HEMK2: variants seen among roughly 807,000 people sequenced by gnomAD.
HEMK2 encodes methyltransferase HEMK2.
the HEMK2 span, among the ~76,000 whole-genome samples, chr21:28,659,606 T>C: frequency 6.6e-6 from 1 of 152,036 alleles, no homozygotes; most frequent in African/African-American, 2.4e-5. Context: ...TGCAATATAA[T>C]GAAAAATTAA....
At chr21:28,587,499 T>C in the HEMK2 span, among the ~76,000 whole-genome samples, 1 of 152,142 alleles carries the variant, frequency 6.6e-6, no homozygotes, top group Non-Finnish European at 1.5e-5. Context: ...CACTCAGTAG[T>C]AGGCAACCTA....
the HEMK2 span, among the ~76,000 whole-genome samples, chr21:28,620,655 CTTTT>C: frequency 1.5e-5 from 1 of 65,538 alleles, no homozygotes; most frequent in Non-Finnish European, 2.9e-5. Flanking sequence ...ATTCTTCTCT[CTTTT>C]CTTTTTTTTT....
At chr21:28,808,411 C>CAAAA in the HEMK2 span, among the ~76,000 whole-genome samples, 30 of 126,922 alleles carry the variant, frequency 2.4e-4, no homozygotes, top group African/African-American at 8.6e-4. Context: ...TCTACCCTTC[C>CAAAA]AAAAAAAAAA....
the HEMK2 span, among the ~76,000 whole-genome samples, chr21:28,805,741 G>C: frequency 6.6e-6 from 1 of 151,808 alleles, no homozygotes; most frequent in Admixed American, 6.6e-5. Flanking sequence ...TTGAATCCCT[G>C]ATTCTTTCGG....
chr21:28,836,637 G>T, the HEMK2 span, among the ~76,000 whole-genome samples: 15 of 152,250 alleles, frequency 9.9e-5, no homozygotes, highest in African/African-American at 3.6e-4. Context: ...AGAGCACAAT[G>T]AATGCAATGG....
At chr21:28,853,926 GT>G in the HEMK2 span, among the ~76,000 whole-genome samples, 1 of 152,092 alleles carries the variant, frequency 6.6e-6, no homozygotes, top group Non-Finnish European at 1.5e-5. Flanking sequence ...ACCTGGTGAG[GT>G]TGTACATGCA....
the HEMK2 span, among the ~76,000 whole-genome samples, chr21:28,831,720 AAGGAAG>A: frequency 5.8e-5 from 8 of 137,640 alleles, no homozygotes; most frequent in Admixed American, 2.2e-4. Context: ...GGAAGGAAGG[AAGGAAG>A]GAAGGAAGGA....
the HEMK2 span, among the ~76,000 whole-genome samples, chr21:28,695,702 C>G: frequency 6.6e-6 from 1 of 151,910 alleles, no homozygotes; most frequent in Non-Finnish European, 1.5e-5. Context: ...CAAACCATAT[C>G]ATTCTGCCCC....
chr21:28,676,230 A>C, the HEMK2 span, among the ~76,000 whole-genome samples: 1 of 152,164 alleles, frequency 6.6e-6, no homozygotes, highest in Non-Finnish European at 1.5e-5. Flanking sequence ...AGGTGTCAAC[A>C]AGGTTGATTT....
the HEMK2 span, among the ~76,000 whole-genome samples, chr21:28,642,641 G>A: frequency 5.3e-5 from 8 of 152,194 alleles, no homozygotes; most frequent in Non-Finnish European, 7.4e-5. Context: ...TGATGAATGC[G>A]GAAGACTTTA....
the HEMK2 span, among the ~76,000 whole-genome samples, chr21:28,681,272 A>G: frequency 6.6e-6 from 1 of 152,282 alleles, no homozygotes; most frequent in East Asian, 1.9e-4. Flanking sequence ...CAAACAGAGA[A>G]CCAAATCATG....
At chr21:28,600,064 G>A in the HEMK2 span, among the ~76,000 whole-genome samples, 2 of 152,168 alleles carry the variant, frequency 1.3e-5, no homozygotes, top group African/African-American at 4.8e-5. Context: ...ACTTTTCCAG[G>A]TGCACAGTGC....
chr21:28,808,860 A>G, the HEMK2 span, among the ~76,000 whole-genome samples: 1 of 152,184 alleles, frequency 6.6e-6, no homozygotes, highest in East Asian at 1.9e-4. Flanking sequence ...ATTTAACAAA[A>G]TGCATTTCAA....
the HEMK2 span, chr21:28,743,434 A>C: frequency 6.6e-6 from 1 of 152,236 alleles, no homozygotes; most frequent in Non-Finnish European, 1.5e-5. Flanking sequence ...TAAGGTGTTG[A>C]CTGGGTTGAA....
chr21:28,795,251 T>TTTTC, the HEMK2 span, among the ~76,000 whole-genome samples: 2 of 152,322 alleles, frequency 1.3e-5, no homozygotes, highest in East Asian at 3.9e-4. Context: ...GTAATATCAA[T>TTTTC]TTTCTTTCTT....
chr21:28,742,676 A>C, the HEMK2 span, among the ~76,000 whole-genome samples: 2 of 152,118 alleles, frequency 1.3e-5, no homozygotes, highest in Admixed American at 1.3e-4. Flanking sequence ...CCACTAAGAA[A>C]AAAAAAAGGA....
At chr21:28,712,413 T>C in the HEMK2 span, among the ~76,000 whole-genome samples, 1 of 152,200 alleles carries the variant, frequency 6.6e-6, no homozygotes, top group Non-Finnish European at 1.5e-5. Flanking sequence ...AAGGGGCTGA[T>C]GTGAACAATT....
chr21:28,670,870 T>C, the HEMK2 span: 8 of 152,142 alleles, frequency 5.3e-5, no homozygotes, highest in Non-Finnish European at 8.8e-5. Context: ...TCTCTCACTA[T>C]TACAAGACAG....
chr21:28,617,191 T>C, the HEMK2 span, among the ~76,000 whole-genome samples: 2 of 152,098 alleles, frequency 1.3e-5, no homozygotes, highest in Non-Finnish European at 2.9e-5. Flanking sequence ...TATATGAAGA[T>C]CTAGAAGAAC....
Sources: gnomAD v4.1 joint callset for allele counts (sites outside exome capture counted in the v4.1 genomes callset) on GRCh38, gnomAD v4.1.1 for gene constraint, MANE v1.5 for transcripts, NCBI Gene and HGNC (gene_info 2026-07-23, HGNC 2026-07-21) for gene names.